Variants in DLG2 observed in about 807,000 individuals in gnomAD.
The protein encoded by DLG2 is disks large homolog 2.
A neutral mutation model predicts 132.5 loss-of-function variants in DLG2; 45 were observed. That is an observed-to-expected ratio of 0.34 (90% CI 0.27 to 0.44). The LOEUF (loss-of-function observed/expected upper bound fraction) is 0.44. Among genes scored for constraint, DLG2 ranks in the 20% least tolerant of loss-of-function variants. The probability of loss-of-function intolerance (pLI) is 1.00; values close to 1 mark genes in which losing one functional copy is unlikely to be tolerated. For synonymous variants in DLG2, 424 were observed against 419.6 expected, an observed-to-expected ratio of 1.01 and a Z score of -0.13; for missense variants, 1,045 against 1,196.9, an observed-to-expected ratio of 0.87 and a Z score of 1.87.
chr11:84,472,186 C>A (rs116167192), intron 7 of DLG2, among the ~76,000 whole-genome samples: 2 of 151,682 alleles, frequency 1.3e-5, no homozygotes, highest in African/African-American at 4.8e-5. Context: ...AACATAAAAG[C>A]GATTGGATCT....
intron 9 of DLG2, among the ~76,000 whole-genome samples, chr11:84,154,769 A>G (rs2095392097): frequency 6.6e-6 from 1 of 151,956 alleles, no homozygotes; most frequent in Non-Finnish European, 1.5e-5. Context: ...TGTCCCTGCG[A>G]TAGTTTACTG....
At chr11:84,251,501 A>G (rs1342151784) in intron 7 of DLG2, among the ~76,000 whole-genome samples, 1 of 152,174 alleles carries the variant, frequency 6.6e-6, no homozygotes, top group South Asian at 2.1e-4. Flanking sequence ...CACATAAAGA[A>G]ATTAAGTAAG....
intron 7 of DLG2, among the ~76,000 whole-genome samples, chr11:84,300,310 A>AT (rs2098137793): frequency 1.3e-5 from 2 of 151,858 alleles, no homozygotes; most frequent in African/African-American, 4.8e-5. Flanking sequence ...TGCATGAACT[A>AT]TTTTTTCATA....
chr11:85,252,162 A>G (rs1404333706), intron 4 of DLG2, among the ~76,000 whole-genome samples: 2 of 152,220 alleles, frequency 1.3e-5, no homozygotes, highest in African/African-American at 4.8e-5. Context: ...CATCTAACCC[A>G]AGGAAACATT....
At chr11:83,748,122 T>C (rs1041321725) in intron 18 of DLG2, among the ~76,000 whole-genome samples, 1 of 152,232 alleles carries the variant, frequency 6.6e-6, no homozygotes, top group Non-Finnish European at 1.5e-5. Context: ...ATTCTGTATG[T>C]ACTCTGTCAA....
intron 21 of DLG2, among the ~76,000 whole-genome samples, chr11:83,520,605 A>T (rs1470865098): frequency 2.0e-5 from 3 of 151,852 alleles, no homozygotes; most frequent in Non-Finnish European, 2.9e-5. Flanking sequence ...ATAGATAGAA[A>T]GACAGACAGA....
chr11:85,214,400 A>T (rs2082446115), intron 4 of DLG2, among the ~76,000 whole-genome samples: 1 of 152,088 alleles, frequency 6.6e-6, no homozygotes, highest in Non-Finnish European at 1.5e-5. Context: ...TTCTCAACTA[A>T]ATAAAGAATA....
intron 6 of DLG2, among the ~76,000 whole-genome samples, chr11:84,953,023 A>T (rs745942819): frequency 3.1e-4 from 47 of 152,036 alleles, no homozygotes; most frequent in Non-Finnish European, 6.5e-4. Flanking sequence ...CCACCTTTTC[A>T]TTTCTCCTGC....
chr11:84,938,016 T>A (rs1478271554), intron 6 of DLG2, among the ~76,000 whole-genome samples: 1 of 152,166 alleles, frequency 6.6e-6, no homozygotes, highest in East Asian at 1.9e-4. Flanking sequence ...AGCTCAGTCC[T>A]CATTCTGGGG....
At chr11:84,621,802 AG>A (rs2099614445) in intron 6 of DLG2, among the ~76,000 whole-genome samples, 1 of 152,112 alleles carries the variant, frequency 6.6e-6, no homozygotes, top group African/African-American at 2.4e-5. Context: ...CAAGGGTAAG[AG>A]TGTGTGGCTG....
At chr11:85,425,378 G>T (rs140843729) in intron 3 of DLG2, among the ~76,000 whole-genome samples, 68 of 152,084 alleles carry the variant, frequency 4.5e-4, no homozygotes, top group Non-Finnish European at 5.7e-4. Context: ...GGTGCTATCG[G>T]TAAAAATAAC....
At chr11:84,594,383 C>T (rs1308443351) in intron 6 of DLG2, among the ~76,000 whole-genome samples, 3 of 152,124 alleles carry the variant, frequency 2.0e-5, no homozygotes, top group Non-Finnish European at 4.4e-5. Flanking sequence ...TTCTATGTGT[C>T]TCGTCTAGAC....
chr11:83,498,946 G>A (rs576783354), intron 21 of DLG2, among the ~76,000 whole-genome samples: 1 of 152,074 alleles, frequency 6.6e-6, no homozygotes, highest in East Asian at 1.9e-4. Flanking sequence ...CAGTAAATTA[G>A]CTAACTTAGA....
At chr11:83,845,159 A>T (rs141076659) in intron 16 of DLG2, among the ~76,000 whole-genome samples, 1 of 152,296 alleles carries the variant, frequency 6.6e-6, no homozygotes, top group East Asian at 1.9e-4. Flanking sequence ...GTCTACAGCT[A>T]GTCTTCCTGA....
At chr11:84,953,177 T>A (rs2154104120) in intron 6 of DLG2, among the ~76,000 whole-genome samples, 1 of 152,312 alleles carries the variant, frequency 6.6e-6, no homozygotes, top group Admixed American at 6.5e-5. Flanking sequence ...TTCATGTCAT[T>A]TTCTGAGGTG....
chr11:84,825,876 G>A (rs1359765451), intron 6 of DLG2, among the ~76,000 whole-genome samples: 3 of 151,572 alleles, frequency 2.0e-5, no homozygotes, highest in Non-Finnish European at 4.4e-5. Context: ...ATGCTGTTTT[G>A]TTACCCTTTC....
intron 6 of DLG2, among the ~76,000 whole-genome samples, chr11:84,694,295 C>T (rs1423256769): frequency 6.6e-6 from 1 of 151,538 alleles, no homozygotes; most frequent in Non-Finnish European, 1.5e-5. Flanking sequence ...CATGGAAAGA[C>T]AACATTGCAT....
chr11:83,914,385 C>CT (rs1366335636), intron 15 of DLG2, among the ~76,000 whole-genome samples: 1 of 152,142 alleles, frequency 6.6e-6, no homozygotes, highest in Non-Finnish European at 1.5e-5. Flanking sequence ...AACCTCTTTT[C>CT]TTATAAATTA....
intron 11 of DLG2, among the ~76,000 whole-genome samples, chr11:84,005,948 C>A (rs1469795254): frequency 1.3e-5 from 2 of 151,828 alleles, no homozygotes; most frequent in Non-Finnish European, 2.9e-5. Flanking sequence ...AAAAGAACTA[C>A]TATACAATCC....
Sources: allele counts gnomAD v4.1 joint callset (sites outside exome capture counted in the v4.1 genomes callset), GRCh38; gene constraint gnomAD v4.1.1; transcripts MANE v1.5; gene names NCBI Gene and HGNC (gene_info 2026-07-23, HGNC 2026-07-21).